The following CACHD1 variants were observed in gnomAD, a reference collection of about 807,000 sequenced individuals.
CACHD1 encodes the protein VWFA and cache domain-containing protein 1.
CACHD1 carries 71 observed loss-of-function variants against 138.7 expected under a neutral mutation model. The ratio of observed to expected loss-of-function variants is 0.51; its 90% CI spans 0.42 to 0.62. The LOEUF is 0.62. Among genes scored for constraint, CACHD1 ranks in the 20% least tolerant of loss-of-function variants. The probability of loss-of-function intolerance (pLI) is 0.00; values close to 1 mark genes in which losing one functional copy is unlikely to be tolerated. For missense variants in CACHD1, 1,389 were observed against 1,625.3 expected, an observed-to-expected ratio of 0.85 and a Z score of 2.50; for synonymous variants, 578 against 591.5, an observed-to-expected ratio of 0.98 and a Z score of 0.33.
chr1:64,582,352 G>A, intron 3 of CACHD1, 48 bp downstream of exon 3: 5 of 1,500,760 alleles, frequency 3.3e-6, no homozygotes, highest in Non-Finnish European at 4.6e-6. Context: ...ACATTGAATT[G>A]CTTATACATT....
intron 4 of CACHD1, among the ~76,000 whole-genome samples, chr1:64,604,663 T>A (rs577550861): frequency 7.1e-4 from 108 of 152,324 alleles, no homozygotes; most frequent in African/African-American, 2.4e-3. Context: ...TTGTTTCTTT[T>A]TTTCTTTGAG....
chr1:64,551,830 T>C (rs1189938134), intron 2 of CACHD1, among the ~76,000 whole-genome samples: 1 of 152,186 alleles, frequency 6.6e-6, no homozygotes, highest in Non-Finnish European at 1.5e-5. Context: ...TTTCTTAGCT[T>C]TAGATATTTT....
intron 2 of CACHD1, among the ~76,000 whole-genome samples, chr1:64,561,236 C>A (rs2100483691): frequency 6.6e-6 from 1 of 151,666 alleles, no homozygotes; most frequent in East Asian, 1.9e-4. Flanking sequence ...ATTCTATCAA[C>A]TTCACACAAA....
chr1:64,658,841 C>A lies in CACHD1; in HGVS notation c.1919C>A (p.Ala640Asp). ...HRLDLLGQPS[A>D]CLHFKQLATL... ...CTGGATCTCCTTGGCCAGCCCAGTG[C>A]TTGCCTCCACTTCAAACAGCTGGCA... is the stretch of plus-strand genomic sequence containing the variant. The change falls in exon 13 of 27, where the codon GCT becomes GAT. Residue 640 changes from alanine to aspartate, a missense_variant. Transcript: ENST00000651257. 1 of 1,580,886 alleles carries A rather than the reference C, an allele frequency of 6.3e-7. No homozygotes were observed. Among genetic ancestry groups the A allele is most frequent in the Non-Finnish European group, 8.6e-7 (1 of 1,160,540 alleles).
At chr1:64,659,937 G>A (rs909189516) in intron 13 of CACHD1, among the ~76,000 whole-genome samples, 2 of 152,130 alleles carry the variant, frequency 1.3e-5, no homozygotes, top group African/African-American at 4.8e-5. Context: ...CGAGAGTTCT[G>A]CCTGGACATG....
At chr1:64,629,596 T>C (rs1648230825) in intron 5 of CACHD1, 115 bp downstream of exon 5, 25 of 1,245,674 alleles carry the variant, frequency 2.0e-5, no homozygotes, top group Non-Finnish European at 2.7e-5. Flanking sequence ...ATTCAGAAAT[T>C]TGTACTTGTT....
intron 4 of CACHD1, among the ~76,000 whole-genome samples, chr1:64,607,365 A>G (rs1041621589): frequency 7.2e-5 from 11 of 152,188 alleles, no homozygotes; most frequent in African/African-American, 2.7e-4. Flanking sequence ...AACCAGCCAT[A>G]TGATTTAGCA....
At chr1:64,652,118 C>T in intron 9 of CACHD1, 43 bp from the exon 10 acceptor site, 2 of 1,533,890 alleles carry the variant, frequency 1.3e-6, no homozygotes, top group South Asian at 1.2e-5. Context: ...TGTCCAATTC[C>T]TTCTCTGCTG....
chr1:64,514,126 G>T (rs1028182216), intron 1 of CACHD1, among the ~76,000 whole-genome samples: 2 of 152,160 alleles, frequency 1.3e-5, no homozygotes, highest in African/African-American at 4.8e-5. Flanking sequence ...TTGAACCTTA[G>T]CTATCAAGAT....
rs57993424 is a variant in CACHD1 at position 64,681,541 on chromosome 1, GTTT to G, written c.3484+227_3484+229del. ...AGAGAATCTCAAAAGATTTTATTGT[GTTT>G]TTTTTTTTTTTTTTTTTTTTGCATT... On this transcript the variant is annotated intron_variant, in intron 25 of 26. Transcript: ENST00000651257. 9.7e-4 allele frequency among the ~76,000 whole-genome samples: 66 copies of G among 68,154 alleles called. 3 individuals carry two copies. In the East Asian group the frequency reaches 0.026, roughly 26 times the overall value. The allele number at this position is 68,154 out of a possible 152,430, so 44.7% of individuals were successfully genotyped here.
At chr1:64,626,242 T>G (rs1237939604) in intron 4 of CACHD1, among the ~76,000 whole-genome samples, 1 of 152,270 alleles carries the variant, frequency 6.6e-6, no homozygotes, top group African/African-American at 2.4e-5. Context: ...TACCTGAGTA[T>G]GTACATGCTA....
At chr1:64,527,099 T>C (rs1366612837) in intron 1 of CACHD1, among the ~76,000 whole-genome samples, 1 of 152,224 alleles carries the variant, frequency 6.6e-6, no homozygotes, top group African/African-American at 2.4e-5. Context: ...TTTAAGGGCA[T>C]CTGGTAAAAT....
chr1:64,644,896 G>A (rs1284878530), intron 8 of CACHD1, among the ~76,000 whole-genome samples: 3 of 152,160 alleles, frequency 2.0e-5, no homozygotes, highest in Non-Finnish European at 4.4e-5. Flanking sequence ...TCAGGAGTTC[G>A]AGACCAGCCT....
At chr1:64,508,570 A>T (rs1385715972) in intron 1 of CACHD1, among the ~76,000 whole-genome samples, 3 of 152,236 alleles carry the variant, frequency 2.0e-5, no homozygotes, top group African/African-American at 7.2e-5. Flanking sequence ...TGGACCTGCC[A>T]GGCAAAGCAC....
intron 4 of CACHD1, among the ~76,000 whole-genome samples, chr1:64,614,028 A>C (rs1312126903): frequency 6.6e-6 from 1 of 152,174 alleles, no homozygotes; most frequent in Non-Finnish European, 1.5e-5. Context: ...TATTACCTTC[A>C]TTCTGGTTAC....
At chr1:64,626,248 T>C (rs775917394) in intron 4 of CACHD1, among the ~76,000 whole-genome samples, 1 of 152,232 alleles carries the variant, frequency 6.6e-6, no homozygotes, top group African/African-American at 2.4e-5. Context: ...AGTATGTACA[T>C]GCTAGAAATA....
In CACHD1 at chr1:64,518,221, C is replaced by T. The variant is rs138862767; in HGVS notation, c.199-32373C>T. Among the ~76,000 whole-genome samples, 275 of 152,144 alleles carry T rather than the reference C, an allele frequency of 1.8e-3. 3 individuals carry two copies. The highest frequency in any genetic ancestry group is 3.0e-3 in the Admixed American group (46 of 15,270). ...CTTCTTTCCTCTAAGATAATAGCAG[C>T]GGACATACTCTCAGCACACATGGGG... On this transcript the variant is annotated intron_variant, in intron 1 of 26. Transcript: ENST00000651257.
chr1:64,573,577 G>C (rs1030386399), intron 2 of CACHD1, among the ~76,000 whole-genome samples: 1 of 152,138 alleles, frequency 6.6e-6, no homozygotes, highest in African/African-American at 2.4e-5. Context: ...CCAGATATGA[G>C]TAATAGTCAT....
intron 1 of CACHD1, among the ~76,000 whole-genome samples, chr1:64,482,093 CTG>C (rs1309555737): frequency 1.3e-5 from 2 of 152,080 alleles, no homozygotes; most frequent in African/African-American, 4.8e-5. Context: ...ATTTTCATGT[CTG>C]TATTACTGGT....
Sources: allele counts gnomAD v4.1 joint callset (sites outside exome capture counted in the v4.1 genomes callset), GRCh38; gene constraint gnomAD v4.1.1; transcripts MANE v1.5; gene names NCBI Gene and HGNC (gene_info 2026-07-23, HGNC 2026-07-21).